Variants in NR1H4 observed in about 807,000 individuals in gnomAD.
The protein encoded by NR1H4 is nuclear receptor subfamily 1 group H member 4, also known as bile acid receptor.
Under a neutral mutation model 58.5 loss-of-function variants are expected in NR1H4, and 23 were observed. The observed-to-expected ratio is 0.39, with a 90% CI of 0.28 to 0.56. The LOEUF (loss-of-function observed/expected upper bound fraction) is 0.56. NR1H4 is among the 20% of genes least tolerant of loss of function. The pLI is 0.58. For missense variants in NR1H4, 487 were observed against 576.9 expected, an observed-to-expected ratio of 0.84 and a Z score of 1.60; for synonymous variants, 214 against 198.0, an observed-to-expected ratio of 1.08 and a Z score of -0.68.
At chr12:100,543,215 A>C (rs1301461405) in intron 9 of NR1H4, among the ~76,000 whole-genome samples, 1 of 152,148 alleles carries the variant, frequency 6.6e-6, no homozygotes, top group Non-Finnish European at 1.5e-5. Context: ...GACTGAATTG[A>C]GGGTTACATT....
chr12:100,532,445 G>T lies in NR1H4; in HGVS notation c.446-13G>T, dbSNP rs1351892853. 6.2e-7 allele frequency: 1 copy of T among 1,613,908 alleles called. No individual in the cohort carries two copies. Among genetic ancestry groups the T allele is most frequent in the Non-Finnish European group, 8.5e-7 (1 of 1,179,856 alleles). ...GAGAGGACTTTTTACACTTTTCAGT[G>T]TTTCTCCCACAGGTTTCTTCAGGAG... On this transcript the variant is annotated splice_polypyrimidine_tract_variant and intron_variant, in intron 4 of 10. Coordinates refer to ENST00000392986, the MANE Select transcript of NR1H4 (RefSeq NM_001206979.2).
At chr12:100,520,223 G>C (rs892400809) in intron 4 of NR1H4, among the ~76,000 whole-genome samples, 3 of 152,076 alleles carry the variant, frequency 2.0e-5, no homozygotes, top group African/African-American at 7.2e-5. Context: ...TCCATCAAAG[G>C]GAGCACGGGC....
At chr12:100,529,009 C>T (rs1473836502) in intron 4 of NR1H4, among the ~76,000 whole-genome samples, 2 of 152,136 alleles carry the variant, frequency 1.3e-5, no homozygotes, top group Non-Finnish European at 2.9e-5. Flanking sequence ...AAAAAGTCCT[C>T]TTTTTGCTTT....
chr12:100,493,104 A>C (rs1953638592), intron 2 of NR1H4, among the ~76,000 whole-genome samples, 166 bp from the exon 3 acceptor site: 2 of 152,184 alleles, frequency 1.3e-5, no homozygotes, highest in South Asian at 4.1e-4. Flanking sequence ...ATGAGGTATA[A>C]AAATGATAAA....
At chr12:100,523,794 G>A (rs144258788) in intron 4 of NR1H4, among the ~76,000 whole-genome samples, 24 of 152,118 alleles carry the variant, frequency 1.6e-4, no homozygotes, top group African/African-American at 5.8e-4. Flanking sequence ...ATATTATTAA[G>A]TACCAGTTTG....
At chr12:100,500,524 C>T (rs1953810430) in intron 3 of NR1H4, among the ~76,000 whole-genome samples, 1 of 152,330 alleles carries the variant, frequency 6.6e-6, no homozygotes, top group South Asian at 2.1e-4. Context: ...GGAACTGACT[C>T]TAATTTAATT....
At chr12:100,533,890 C>CTTTTTTTTT (rs758465149) in intron 5 of NR1H4, among the ~76,000 whole-genome samples, 2,302 of 143,144 alleles carry the variant, frequency 0.016, 52 homozygotes, top group African/African-American at 0.056. Flanking sequence ...TAATAGCTCT[C>CTTTTTTTTT]TTTTTTTTTT....
Position 100,545,666 on chromosome 12 carries a change from A to AAAC in NR1H4, c.1078+4850_1078+4851insCAA, listed in dbSNP as rs1955051191. On this transcript the variant is annotated intron_variant, in intron 9 of 10. Coordinates refer to ENST00000392986, the MANE Select transcript of NR1H4 (RefSeq NM_001206979.2). ...CAAAAAAAAAAAAAAAAAAAAAAAA[A>AAAC]AAACCAAACGGGGGGCATATATGCG... Among the ~76,000 whole-genome samples, 5 of 145,556 alleles carry AAAC rather than the reference A, an allele frequency of 3.4e-5. 2 individuals are homozygous for AAAC. The highest frequency in any genetic ancestry group is 5.3e-5 in the African/African-American group (2 of 37,590).
At chr12:100,554,323 A>G (rs938183651) in intron 9 of NR1H4, among the ~76,000 whole-genome samples, 1 of 152,126 alleles carries the variant, frequency 6.6e-6, no homozygotes, top group Non-Finnish European at 1.5e-5. Context: ...GGACGTCATC[A>G]GAATAAGTCA....
intron 10 of NR1H4, among the ~76,000 whole-genome samples, 184 bp downstream of exon 10, chr12:100,562,182 AT>A (rs770494347): frequency 2.0e-5 from 3 of 152,258 alleles, no homozygotes; most frequent in African/African-American, 4.8e-5. Context: ...TTTTTAAAAA[AT>A]ATCACACTTA....
At chr12:100,488,691 G>A (rs542959877) in intron 1 of NR1H4, among the ~76,000 whole-genome samples, 1 of 152,146 alleles carries the variant, frequency 6.6e-6, no homozygotes, top group African/African-American at 2.4e-5. Context: ...GTTTCCAGCT[G>A]TTAAAGAATA....
At chr12:100,509,459 T>A (rs531198494) in intron 3 of NR1H4, among the ~76,000 whole-genome samples, 1 of 152,350 alleles carries the variant, frequency 6.6e-6, no homozygotes, top group African/African-American at 2.4e-5. Context: ...GTAGTAAGAA[T>A]AATTGTTATT....
intron 1 of NR1H4, 67 bp from the exon 2 acceptor site, chr12:100,492,436 G>C (rs1566431212): frequency 6.6e-6 from 1 of 152,086 alleles, no homozygotes; most frequent in Non-Finnish European, 1.5e-5. Context: ...AAACAGCTTG[G>C]GAAAAGAGAT....
rs777233409 is a variant in NR1H4 at position 100,532,472 on chromosome 12, A to T, written c.460A>T (p.Ser154Cys). 6.2e-7 allele frequency: 1 copy of T among 1,614,160 alleles called. No individual in the cohort carries two copies. Among genetic ancestry groups the T allele is most frequent in the Non-Finnish European group, 8.5e-7 (1 of 1,179,996 alleles). Residue 154 changes from serine (S) to cysteine (C), a missense_variant, in exon 5 of 11, where the codon AGC becomes TGC. Physicochemically the swap from Ser to Cys is moderately radical, Grantham distance 112. Transcript: ENST00000392986. ...CEGCKGFFRRSITKNAVYKCK... is the reference protein window; with the variant it reads ...CEGCKGFFRRCITKNAVYKCK... ...TTCTCCCACAGGTTTCTTCAGGAGA[A>T]GCATTACCAAAAACGCTGTGTACAA...
At chr12:100,545,143 T>G (rs892793507) in intron 9 of NR1H4, among the ~76,000 whole-genome samples, 8 of 152,132 alleles carry the variant, frequency 5.3e-5, no homozygotes, top group African/African-American at 1.9e-4. Flanking sequence ...AAAAAATCTT[T>G]GCCTGGCTCC....
intron 4 of NR1H4, among the ~76,000 whole-genome samples, chr12:100,519,310 G>C (rs1954351744): frequency 6.6e-6 from 1 of 152,090 alleles, no homozygotes; most frequent in Admixed American, 6.5e-5. Flanking sequence ...CTAAGTACCA[G>C]GATTAAGGGA....
intron 4 of NR1H4, among the ~76,000 whole-genome samples, chr12:100,526,885 A>G (rs1954570531): frequency 6.6e-6 from 1 of 152,236 alleles, no homozygotes; most frequent in Admixed American, 6.5e-5. Context: ...AGAGGTCGAA[A>G]ACAAAAATCC....
chr12:100,535,117 A>G, intron 6 of NR1H4, 94 bp downstream of exon 6: 2 of 1,372,492 alleles, frequency 1.5e-6, no homozygotes, highest in African/African-American at 1.4e-5. Context: ...TTAAAGCCAC[A>G]GGCACAGCTG....
intron 4 of NR1H4, among the ~76,000 whole-genome samples, chr12:100,516,609 G>T (rs965327658): frequency 6.6e-6 from 1 of 151,962 alleles, no homozygotes; most frequent in Non-Finnish European, 1.5e-5. Context: ...CTCGTGATCC[G>T]CCCGCCTCGG....
Sources: gnomAD v4.1 joint callset for allele counts (sites outside exome capture counted in the v4.1 genomes callset) on GRCh38, gnomAD v4.1.1 for gene constraint, MANE v1.5 for transcripts, NCBI Gene and HGNC (gene_info 2026-07-23, HGNC 2026-07-21) for gene names.